Variants in RERGL observed in about 807,000 individuals in gnomAD.
RERGL encodes ras-related and estrogen-regulated growth inhibitor-like protein.
RERGL carries 22 observed loss-of-function variants against 24.7 expected under a neutral mutation model. That is an observed-to-expected ratio of 0.89 (90% CI 0.64 to 1.27). RERGL has a LOEUF of 1.27. RERGL is among the 50% of genes most tolerant of loss of function. The pLI is 0.00. For missense variants in RERGL, 259 were observed against 235.3 expected (o/e 1.10, Z -0.66); for synonymous variants, 76 against 82.6 (o/e 0.92, Z 0.43).
chr12:18,089,316 T>C, intron 1 of RERGL: 1 of 1,577,104 alleles, frequency 6.3e-7, no homozygotes, highest in South Asian at 1.2e-5. Context: ...TCAGTCTGGC[T>C]TCAAGGTACT....
rs377056830 is a variant in RERGL, at chr12:18,084,302, C to T, written c.332+215G>A. On this transcript the variant is annotated intron_variant, in intron 4 of 4. Transcript: ENST00000538724. ...AGCTGTCTTGTAAAATAGCCATTTACTCGGGGCAAGTAACTGTTTATGTCA... is the reference window on the plus strand; with the variant it reads ...AGCTGTCTTGTAAAATAGCCATTTATTCGGGGCAAGTAACTGTTTATGTCA... 9.5e-4 allele frequency among the ~76,000 whole-genome samples: 145 copies of T among 152,234 alleles called. 2 individuals carry two copies. The highest frequency in any genetic ancestry group is 3.4e-3 in the African/African-American group (142 of 41,546).
intron 2 of RERGL, among the ~76,000 whole-genome samples, chr12:18,086,204 A>G (rs1256465420): frequency 6.6e-6 from 1 of 151,766 alleles, no homozygotes; most frequent in East Asian, 1.9e-4. Context: ...TCTCACCACT[A>G]TCTATATTCA....
chr12:18,087,682 C>A (rs1246984772), intron 2 of RERGL, among the ~76,000 whole-genome samples: 1 of 152,114 alleles, frequency 6.6e-6, no homozygotes, highest in East Asian at 1.9e-4. Context: ...TTAATTTATA[C>A]AACTATATTA....
chr12:18,083,741 G>A (rs1032478975), intron 4 of RERGL, among the ~76,000 whole-genome samples: 3 of 152,082 alleles, frequency 2.0e-5, no homozygotes, highest in African/African-American at 7.2e-5. Flanking sequence ...TAATAATATT[G>A]TGCTTTTCTT....
chr12:18,089,123 G>C (rs1947246400), intron 1 of RERGL, 167 bp from the exon 2 acceptor site: 1 of 1,147,984 alleles, frequency 8.7e-7, no homozygotes, highest in South Asian at 1.5e-5. Context: ...TATTTCCATG[G>C]TACAAACAAA....
intron 4 of RERGL, among the ~76,000 whole-genome samples, chr12:18,082,490 G>T (rs764232733): frequency 6.6e-6 from 1 of 152,080 alleles, no homozygotes; most frequent in Non-Finnish European, 1.5e-5. Flanking sequence ...TAAATTCAAA[G>T]TTTTAAAAAT....
At chr12:18,081,589 G>A (rs2098953043) in intron 4 of RERGL, 116 bp from the exon 5 acceptor site, 1 of 944,448 alleles carries the variant, frequency 1.1e-6, no homozygotes, top group Non-Finnish European at 1.5e-6. Flanking sequence ...AAAAAATATT[G>A]TGTGTATGTT....
At chr12:18,087,724 T>G (rs922857144) in intron 2 of RERGL, among the ~76,000 whole-genome samples, 5 of 152,196 alleles carry the variant, frequency 3.3e-5, no homozygotes, top group Non-Finnish European at 5.9e-5. Context: ...CTTTTGTTGT[T>G]ATTTGGATAG....
chr12:18,088,092 C>G (rs1443743765), intron 2 of RERGL, among the ~76,000 whole-genome samples: 1 of 152,012 alleles, frequency 6.6e-6, no homozygotes, highest in Non-Finnish European at 1.5e-5. Flanking sequence ...TCCTCTTAGT[C>G]TAAATAACTA....
Position 18,081,313 on chromosome 12 carries a change from T to C in RERGL, c.493A>G (p.Ile165Val), listed in dbSNP as rs752007642. Residue 165 changes from isoleucine to valine, a missense_variant, in exon 5 of 5, where the codon ATC (isoleucine) becomes GTC (valine). Ile to Val is a conservative substitution (Grantham distance 29). Transcript: ENST00000538724. ...ATCAGGATGTCCTTGATAATTCTGA[T>C]AAACATCATTTCCACCTCCAGAGAC... Reference protein sequence around the residue: ...EQSLEVEMMFIRIIKDILINF... With the variant: ...EQSLEVEMMFVRIIKDILINF... The C allele has an allele frequency of 1.9e-6, 3 of 1,614,164 alleles. No homozygotes were observed. The highest frequency in any genetic ancestry group is 2.5e-6 in the Non-Finnish European group (3 of 1,180,006).
intron 1 of RERGL, 146 bp from the exon 2 acceptor site, chr12:18,089,102 G>GTA: frequency 1.8e-6 from 2 of 1,088,834 alleles, no homozygotes; most frequent in Non-Finnish European, 2.7e-6. Context: ...GTTCTAAATA[G>GTA]TAGTTAACAA....
intron 4 of RERGL, among the ~76,000 whole-genome samples, chr12:18,083,748 TCTTA>T: frequency 6.6e-6 from 1 of 152,292 alleles, no homozygotes; most frequent in Non-Finnish European, 1.5e-5. Context: ...ATTGTGCTTT[TCTTA>T]CTTACCAGAT....
chr12:18,085,736 A>G (rs1309433779), intron 2 of RERGL, 43 bp from the exon 3 acceptor site: 5 of 1,077,706 alleles, frequency 4.6e-6, no homozygotes, highest in Non-Finnish European at 7.0e-6. Flanking sequence ...AAAATACTCC[A>G]AACGTGAACT....
Position 18,081,261 on chromosome 12 carries a change from C to A in RERGL, c.545G>T (p.Arg182Leu). The A allele has an allele frequency of 2.5e-6, 4 of 1,614,036 alleles. No homozygotes were observed. The highest frequency in any genetic ancestry group is 2.5e-6 in the Non-Finnish European group (3 of 1,179,950). Reference sequence around the variant, plus strand: ...GGCCATTGATTTAGATCCACTGGGACGTCTCTTTTCTTTGAGTTTGAAGTT... The same window carrying A: ...GGCCATTGATTTAGATCCACTGGGAAGTCTCTTTTCTTTGAGTTTGAAGTT... The part of the protein sequence containing the change: ...LINFKLKEKR[R>L]PSGSKSMAKL... Residue 182 changes from arginine (R) to leucine (L), a missense_variant, in exon 5 of 5, where the codon CGT becomes CTT. Physicochemically the swap from Arg to Leu is moderately radical, Grantham distance 102. Coordinates refer to ENST00000538724, the MANE Select transcript of RERGL (RefSeq NM_001286201.2).
At chr12:18,089,149 A>T in intron 1 of RERGL, 193 bp from the exon 2 acceptor site, 1 of 1,278,172 alleles carries the variant, frequency 7.8e-7, no homozygotes, top group Non-Finnish European at 1.1e-6. Flanking sequence ...AGAAAGTTAG[A>T]AAGGAAGTGA....
intron 4 of RERGL, among the ~76,000 whole-genome samples, chr12:18,083,243 T>A (rs954108625): frequency 3.3e-5 from 5 of 152,276 alleles, no homozygotes; most frequent in Non-Finnish European, 7.4e-5. Flanking sequence ...TCCTAGTCTT[T>A]TTACAGATTG....
chr12:18,084,627 G>A lies in RERGL; in HGVS notation c.222C>T (p.His74=), dbSNP rs1947202518. 1.2e-6 allele frequency: 2 copies of A among 1,610,540 alleles called. No individual in the cohort carries two copies. Among genetic ancestry groups the A allele is most frequent in the Non-Finnish European group, 1.7e-6 (2 of 1,178,788 alleles). Residue 74 remains histidine, a synonymous_variant, in exon 4 of 5, where the codon CAC becomes CAT. Coordinates refer to ENST00000538724, the MANE Select transcript of RERGL (RefSeq NM_001286201.2). ...ACACAATAACAAACCCATCTGCCCA[G>A]TGAAGCTCACTTGTGAGGGAGAATT... ...KAKFSLTSEL[H]WADGFVIVYD...
Position 18,088,957 on chromosome 12 carries a change from C to T in RERGL, c.53-1G>A, listed in dbSNP as rs765097250. 6.2e-7 allele frequency: 1 copy of T among 1,608,240 alleles called. No homozygotes were observed. Among genetic ancestry groups the T allele is most frequent in the Non-Finnish European group, 8.5e-7 (1 of 1,175,088 alleles). ...TTAGTAAGAAACCTCACTGTAAGGG[C>T]TGCAAAGCAAACAATCTAGATTTAG... On this transcript the variant is annotated splice_acceptor_variant, in intron 1 of 4. Coordinates refer to ENST00000538724, the MANE Select transcript of RERGL (RefSeq NM_001286201.2). LOFTEE classifies it high-confidence loss of function.
chr12:18,087,044 T>C (rs1320270305), intron 2 of RERGL, among the ~76,000 whole-genome samples: 1 of 152,214 alleles, frequency 6.6e-6, no homozygotes, highest in Admixed American at 6.5e-5. Context: ...TAGTCTACCT[T>C]CAAAATATAT....
Sources: gnomAD v4.1 joint callset for allele counts (sites outside exome capture counted in the v4.1 genomes callset) on GRCh38, gnomAD v4.1.1 for gene constraint, MANE v1.5 for transcripts, NCBI Gene and HGNC (gene_info 2026-07-23, HGNC 2026-07-21) for gene names.